The following SFMBT1 variants were observed in gnomAD, a reference collection of about 807,000 sequenced individuals.
SFMBT1 encodes scm-like with four MBT domains protein 1.
In SFMBT1, 32 loss-of-function variants were observed where a neutral mutation model predicts 108.7. That is an observed-to-expected ratio of 0.29 (90% CI 0.22 to 0.40). The LOEUF is 0.40. Ranked by LOEUF, SFMBT1 falls within the 10% of genes least tolerant of loss-of-function variation. The pLI, the probability that SFMBT1 is intolerant of heterozygous loss-of-function variation, is 1.00. For missense variants in SFMBT1, 816 were observed against 1,059.6 expected, an observed-to-expected ratio of 0.77 and a Z score of 3.19; for synonymous variants, 348 against 369.5, an observed-to-expected ratio of 0.94 and a Z score of 0.67.
At chr3:52,956,897 C>T (rs1703803243) in intron 2 of SFMBT1, among the ~76,000 whole-genome samples, 1 of 152,136 alleles carries the variant, frequency 6.6e-6, no homozygotes, top group Non-Finnish European at 1.5e-5. Flanking sequence ...TGGAGGCATT[C>T]CCCTTGAAAA....
intron 2 of SFMBT1, 108 bp from the exon 3 acceptor site, chr3:52,954,519 G>T: frequency 1.2e-6 from 1 of 854,686 alleles, no homozygotes; most frequent in African/African-American, 1.7e-5. Flanking sequence ...CTTCACAACT[G>T]ATTTTGCACA....
chr3:52,910,973 T>C lies in SFMBT1; in HGVS notation c.1906+30A>G, dbSNP rs369240006. 1.2e-4 allele frequency: 201 copies of C among 1,610,452 alleles called. 1 individual carries two copies. The African/African-American group carries it at 1.9e-3, about 15-fold the overall frequency. On this transcript the variant is annotated intron_variant, in intron 17 of 20. Transcript: ENST00000394752. ...AGATGTAAGGTATGGTCAGCTGCTA[T>C]GGTTAACACATTGGAAAAACATGAC...
chr3:52,924,355 T>C (rs1257182145), intron 10 of SFMBT1, among the ~76,000 whole-genome samples: 1 of 152,020 alleles, frequency 6.6e-6, no homozygotes, highest in African/African-American at 2.4e-5. Context: ...TAAAACTACA[T>C]GGCAAGGCCG....
At chr3:52,982,203 T>C (rs1256478324) in intron 1 of SFMBT1, among the ~76,000 whole-genome samples, 2 of 152,128 alleles carry the variant, frequency 1.3e-5, no homozygotes, top group African/African-American at 2.4e-5. Context: ...GTCAACACTA[T>C]GCAAGAGAAC....
chr3:53,025,635 A>G (rs754361434), intron 1 of SFMBT1, among the ~76,000 whole-genome samples: 3 of 152,272 alleles, frequency 2.0e-5, no homozygotes, highest in East Asian at 1.9e-4. Context: ...AAAAAAAGAA[A>G]TTCAACACTG....
intron 4 of SFMBT1, among the ~76,000 whole-genome samples, chr3:52,935,329 GCTGT>G (rs1702974397): frequency 1.3e-5 from 2 of 152,282 alleles, no homozygotes; most frequent in South Asian, 4.1e-4. Context: ...AATCCAGCCT[GCTGT>G]CTGTTTTTGT....
chr3:52,940,453 T>C (rs1703145167), intron 4 of SFMBT1, among the ~76,000 whole-genome samples: 1 of 152,148 alleles, frequency 6.6e-6, no homozygotes, highest in African/African-American at 2.4e-5. Flanking sequence ...TAGGACAGTT[T>C]CAGGATCAAA....
chr3:52,909,549 T>C (rs1046511998), intron 17 of SFMBT1, among the ~76,000 whole-genome samples: 3 of 152,228 alleles, frequency 2.0e-5, no homozygotes, highest in Non-Finnish European at 2.9e-5. Flanking sequence ...GAAATGCAGA[T>C]AGATACTCAG....
chr3:53,037,410 C>T (rs982865512), intron 1 of SFMBT1, among the ~76,000 whole-genome samples: 1 of 152,136 alleles, frequency 6.6e-6, no homozygotes, highest in Non-Finnish European at 1.5e-5. Context: ...AAGATCTAAG[C>T]CTGTTTCCCA....
At chr3:52,954,208 AT>A in intron 3 of SFMBT1, 108 bp downstream of exon 3, 1 of 825,786 alleles carries the variant, frequency 1.2e-6, no homozygotes, top group Non-Finnish European at 1.9e-6. Flanking sequence ...AAGCTCTTAA[AT>A]TACTTCAAGT....
chr3:52,933,130 G>C (rs1453480480), intron 5 of SFMBT1, among the ~76,000 whole-genome samples: 1 of 152,106 alleles, frequency 6.6e-6, no homozygotes, highest in Non-Finnish European at 1.5e-5. Flanking sequence ...TGGAAACACT[G>C]TATACTGTTT....
intron 5 of SFMBT1, among the ~76,000 whole-genome samples, chr3:52,933,761 G>C (rs1392261399): frequency 6.6e-6 from 1 of 152,136 alleles, no homozygotes; most frequent in Non-Finnish European, 1.5e-5. Flanking sequence ...ATGGATGACA[G>C]AAGTAAATGT....
chr3:52,929,772 T>C (rs1702802211), intron 8 of SFMBT1, among the ~76,000 whole-genome samples: 1 of 152,238 alleles, frequency 6.6e-6, no homozygotes, highest in South Asian at 2.1e-4. Context: ...GTCCTTCTGC[T>C]CTAGTTGGAA....
chr3:53,019,505 T>G (rs1699233567), intron 1 of SFMBT1, among the ~76,000 whole-genome samples: 1 of 152,146 alleles, frequency 6.6e-6, no homozygotes, highest in Non-Finnish European at 1.5e-5. Flanking sequence ...CAAAACTTTT[T>G]CCTTCTCAAC....
intron 1 of SFMBT1, among the ~76,000 whole-genome samples, chr3:52,992,598 A>G (rs1222125394): frequency 6.6e-6 from 1 of 152,208 alleles, no homozygotes; most frequent in African/African-American, 2.4e-5. Flanking sequence ...GCTCTTGGTA[A>G]TCAGTCTTAA....
At chr3:52,980,693 C>CCAT (rs2106877461) in intron 1 of SFMBT1, among the ~76,000 whole-genome samples, 1 of 151,254 alleles carries the variant, frequency 6.6e-6, no homozygotes, top group African/African-American at 2.4e-5. Context: ...ATTTGTGAAG[C>CCAT]CATCACTGCA....
intron 2 of SFMBT1, among the ~76,000 whole-genome samples, chr3:52,955,121 G>A (rs1274143460): frequency 6.6e-6 from 1 of 152,036 alleles, no homozygotes; most frequent in Non-Finnish European, 1.5e-5. Flanking sequence ...ACAAATACAG[G>A]CACTGGTTTT....
At chr3:52,951,004 G>T (rs900309188) in intron 3 of SFMBT1, among the ~76,000 whole-genome samples, 1 of 149,742 alleles carries the variant, frequency 6.7e-6, no homozygotes, top group African/African-American at 2.5e-5. Flanking sequence ...GGTGTCTGTA[G>T]TCTCAGCTAC....
chr3:52,991,342 C>CTTTTTTTT (rs71087045), intron 1 of SFMBT1, among the ~76,000 whole-genome samples: 3,533 of 90,952 alleles, frequency 0.039, 300 homozygotes, highest in Non-Finnish European at 0.059. Context: ...GCTGAAACTT[C>CTTTTTTTT]TTTTTTTTTT....
Sources: gnomAD v4.1 joint callset for allele counts (sites outside exome capture counted in the v4.1 genomes callset) on GRCh38, gnomAD v4.1.1 for gene constraint, MANE v1.5 for transcripts, NCBI Gene and HGNC (gene_info 2026-07-23, HGNC 2026-07-21) for gene names.